Variants in PTPRT observed in about 807,000 individuals in gnomAD.
PTPRT encodes the protein receptor-type tyrosine-protein phosphatase T.
In PTPRT, 56 loss-of-function variants were observed where a neutral mutation model predicts 176.8. That is an observed-to-expected ratio of 0.32 (90% CI 0.26 to 0.40). The LOEUF (loss-of-function observed/expected upper bound fraction) is 0.40, where lower values mean the gene tolerates loss of function less well. Ranked by LOEUF, PTPRT falls within the 10% of genes least tolerant of loss-of-function variation. PTPRT has a pLI of 1.00. For missense variants in PTPRT, 1,540 were observed against 1,908.2 expected (o/e 0.81, Z 3.60); for synonymous variants, 783 against 739.0 (o/e 1.06, Z -0.96).
At chr20:42,469,541 A>G (rs2071157859) in intron 8 of PTPRT, among the ~76,000 whole-genome samples, 1 of 152,206 alleles carries the variant, frequency 6.6e-6, no homozygotes. Flanking sequence ...AAAGGCACTA[A>G]GAGGTTAAAC....
intron 15 of PTPRT, among the ~76,000 whole-genome samples, chr20:42,201,391 G>C (rs1396491787): frequency 6.6e-6 from 1 of 152,208 alleles, no homozygotes; most frequent in Non-Finnish European, 1.5e-5. Flanking sequence ...ACAAATTCCA[G>C]TTTGATAGCA....
At chr20:42,685,465 GC>G (rs1205230853) in intron 6 of PTPRT, 1 of 152,152 alleles carries the variant, frequency 6.6e-6, no homozygotes, top group Non-Finnish European at 1.5e-5. Context: ...TGAACACATA[GC>G]CCAATCTGTA....
chr20:43,065,547 T>G (rs933524442), intron 1 of PTPRT, among the ~76,000 whole-genome samples: 5 of 152,202 alleles, frequency 3.3e-5, no homozygotes, highest in African/African-American at 1.2e-4. Context: ...AGAAGGCAGT[T>G]AGCCAGCTTG....
chr20:42,654,192 T>C (rs2075082648), intron 7 of PTPRT, among the ~76,000 whole-genome samples: 1 of 152,060 alleles, frequency 6.6e-6, no homozygotes, highest in African/African-American at 2.4e-5. Flanking sequence ...ATGCTCCCCA[T>C]TGCTGTCCCA....
intron 15 of PTPRT, among the ~76,000 whole-genome samples, chr20:42,232,244 T>A (rs2056148067): frequency 1.3e-5 from 2 of 152,176 alleles, no homozygotes; most frequent in Admixed American, 1.3e-4. Flanking sequence ...CACACTTCAA[T>A]GAAATCAGTG....
In PTPRT at chr20:42,104,584, G is replaced by T. The variant is rs767570903; in HGVS notation, c.3525C>A (p.Ile1175=). The part of the protein sequence containing the change: ...RLDPQTNSSQ[I]KDEFQTLNIV... ...TTGCTCATACCTGAAATTCATCTTT[G>T]ATTTGGCTGGAGTTTGTCTGGGGGT... Residue 1175 remains isoleucine (I), a synonymous_variant, in exon 25 of 31, where the codon ATC becomes ATA. Coordinates refer to ENST00000373187, the MANE Select transcript of PTPRT (RefSeq NM_007050.6). 6.2e-7 allele frequency: 1 copy of T among 1,612,930 alleles called. No individual in the cohort carries two copies. The highest frequency in any genetic ancestry group is 1.3e-5 in the African/African-American group (1 of 75,028).
chr20:42,787,959 A>G (rs559620031), intron 3 of PTPRT, among the ~76,000 whole-genome samples: 21 of 152,270 alleles, frequency 1.4e-4, no homozygotes, highest in Admixed American at 1.2e-3. Context: ...TAAATTCCAA[A>G]CATTGTGAAT....
Position 42,908,430 on chromosome 20 carries a change from C to T in PTPRT, c.89-22498G>A, listed in dbSNP as rs910443293. Among the ~76,000 whole-genome samples, 109 of 152,170 alleles carry T rather than the reference C, an allele frequency of 7.2e-4. 1 individual carries two copies. Among genetic ancestry groups the T allele is most frequent in the Middle Eastern group, 3.4e-3 (1 of 294 alleles). ...ATAAATTCCTAACAACCAGCAAATA[C>T]CACAAACACTGTACAATCCAGAAAA... On this transcript the variant is annotated intron_variant, in intron 1 of 30. Transcript: ENST00000373187.
chr20:42,409,479 C>A (rs1271292283), intron 9 of PTPRT, among the ~76,000 whole-genome samples: 1 of 59,940 alleles, frequency 1.7e-5, no homozygotes, highest in Non-Finnish European at 2.8e-5. Flanking sequence ...GAGACTCTGT[C>A]GCAAAAAAAA....
intron 7 of PTPRT, among the ~76,000 whole-genome samples, chr20:42,591,089 C>T (rs997318692): frequency 8.6e-5 from 13 of 151,768 alleles, no homozygotes; most frequent in Admixed American, 5.2e-4. Flanking sequence ...AATCCCAATC[C>T]ACTGAAATTT....
At chr20:42,502,405 A>AACACACAC (rs11467404) in intron 7 of PTPRT, among the ~76,000 whole-genome samples, 202 of 137,404 alleles carry the variant, frequency 1.5e-3, no homozygotes, top group Admixed American at 7.3e-3. Flanking sequence ...TATGTATACA[A>AACACACAC]ACACACACAC....
chr20:42,410,677 GAAACAAATCCTAACAAATTTAAAA>G (rs1363449456), intron 9 of PTPRT, among the ~76,000 whole-genome samples: 12 of 151,856 alleles, frequency 7.9e-5, no homozygotes, highest in Admixed American at 3.3e-4. Flanking sequence ...ACCATACTAT[GAAACAAATCCTAACAAATTTAAAA>G]GAACTTCAAT....
At chr20:42,041,188 A>G in the PTPRT span, among the ~76,000 whole-genome samples, 18 of 152,170 alleles carry the variant, frequency 1.2e-4, no homozygotes, top group African/African-American at 4.3e-4. Flanking sequence ...AGTCCAATCC[A>G]CTACTGCCCT....
intron 7 of PTPRT, among the ~76,000 whole-genome samples, chr20:42,623,491 T>G (rs1452977366): frequency 1.3e-5 from 2 of 152,204 alleles, no homozygotes; most frequent in Admixed American, 6.5e-5. Context: ...ACAAGGATAC[T>G]AAGGTTTAGA....
At chr20:42,082,761 C>A (rs923857278) in intron 29 of PTPRT, among the ~76,000 whole-genome samples, 1 of 152,222 alleles carries the variant, frequency 6.6e-6, no homozygotes, top group African/African-American at 2.4e-5. Flanking sequence ...CCTTCAAACT[C>A]TTTACAGACA....
chr20:42,788,403 T>C (rs1012647854), intron 3 of PTPRT, among the ~76,000 whole-genome samples: 1 of 152,162 alleles, frequency 6.6e-6, no homozygotes, highest in African/African-American at 2.4e-5. Flanking sequence ...TCTCTTTTCT[T>C]CTCTTTCTCA....
Position 42,352,281 on chromosome 20 carries a change from T to G in PTPRT, c.1565A>C (p.Asn522Thr). The change falls in exon 10 of 31, where the codon AAC becomes ACC. Residue 522 changes from asparagine to threonine, a missense_variant. Asn to Thr is a moderately conservative substitution (Grantham distance 65). Around this residue, in one of 11 missense-constraint regions of PTPRT, gnomAD observed 136 missense variants for 135.0 expected, o/e 1.01. Coordinates refer to ENST00000373187, the MANE Select transcript of PTPRT (RefSeq NM_007050.6). ...TNGVITLYEI[N>T]YKAVGSLDPS... is the part of the protein sequence containing the mutation. Reference sequence around the variant, plus strand: ...GTCCAGCGAGCCGACAGCCTTGTAGTTGATCTGTAGGACAAGCCAGCAAAC... The same window carrying G: ...GTCCAGCGAGCCGACAGCCTTGTAGGTGATCTGTAGGACAAGCCAGCAAAC... 4 of 1,614,094 alleles carry G rather than the reference T, an allele frequency of 2.5e-6. No homozygotes were observed. Among genetic ancestry groups the G allele is most frequent in the Non-Finnish European group, 3.4e-6 (4 of 1,180,008 alleles).
chr20:42,070,003 C>A (rs1472775450), downstream of PTPRT, among the ~76,000 whole-genome samples: 6 of 152,122 alleles, frequency 3.9e-5, no homozygotes, highest in African/African-American at 1.4e-4. Flanking sequence ...GCCACTCAGG[C>A]CAAGCCTTTG....
In PTPRT at chr20:42,352,241, G is replaced by A. The variant is rs2145524996; in HGVS notation, c.1605C>T (p.Leu535=). 1 of 1,614,144 alleles carries A rather than the reference G, an allele frequency of 6.2e-7. No individual in the cohort carries two copies. Among genetic ancestry groups the A allele is most frequent in the Non-Finnish European group, 8.5e-7 (1 of 1,180,030 alleles). The part of the protein sequence containing the change: ...AVGSLDPSAD[L]SSQRGKVFKL... ...TGAACACTTTCCCCCTCTGGCTCGA[G>A]AGGTCAGCACTTGGGTCCAGCGAGC... The change falls in exon 10 of 31, where the codon CTC becomes CTT. Residue 535 remains leucine (L), a synonymous_variant. Coordinates refer to ENST00000373187, the MANE Select transcript of PTPRT (RefSeq NM_007050.6).
Sources: allele counts gnomAD v4.1 joint callset (sites outside exome capture counted in the v4.1 genomes callset), GRCh38; gene constraint gnomAD v4.1.1; regional missense constraint gnomAD v4.1.1; transcripts MANE v1.5; gene names NCBI Gene and HGNC (gene_info 2026-07-23, HGNC 2026-07-21).